PIEZO2: variants seen among roughly 807,000 people sequenced by gnomAD.
PIEZO2 encodes piezo-type mechanosensitive ion channel component 2.
Under a neutral mutation model 337.3 loss-of-function variants are expected in PIEZO2, and 172 were observed. The ratio of observed to expected loss-of-function variants is 0.51; its 90% confidence interval spans 0.45 to 0.58. PIEZO2 has a LOEUF of 0.58. Ranked by LOEUF, PIEZO2 falls within the 20% of genes least tolerant of loss-of-function variation. The probability of loss-of-function intolerance (pLI) is 0.00; values close to 1 mark genes in which losing one functional copy is unlikely to be tolerated. For missense variants in PIEZO2, 3,028 were observed against 3,391.3 expected, an observed-to-expected ratio of 0.89 and a Z score of 2.66; for synonymous variants, 1,251 against 1,228.5, an observed-to-expected ratio of 1.02 and a Z score of -0.38.
rs1297735094 is a variant in PIEZO2 at position 10,770,208 on chromosome 18, A to C, written c.2886T>G (p.Ile962Met). Residue 962 changes from isoleucine (I) to methionine (M), a missense_variant, in exon 21 of 56, where the codon ATT becomes ATG. By Grantham distance (10) the Ile-to-Met change is conservative (BLOSUM62 1). Transcript: ENST00000674853. Reference sequence around the variant, plus strand: ...CGATTTTGATGATGTGCAACTCCAAAATCCACCACATGAACACCTGCAGCT... The same window carrying C: ...CGATTTTGATGATGTGCAACTCCAACATCCACCACATGAACACCTGCAGCT... The part of the protein sequence containing the change: ...FHKLQVFMWW[I>M]LELHIIKIVS... 2 of 1,537,310 alleles carry C rather than the reference A, an allele frequency of 1.3e-6. No individual in the cohort carries two copies. The highest frequency in any genetic ancestry group is 1.7e-6 in the Non-Finnish European group (2 of 1,146,954).
chr18:10,867,136 G>A (rs1346107977), intron 5 of PIEZO2, among the ~76,000 whole-genome samples: 1 of 152,180 alleles, frequency 6.6e-6, no homozygotes, highest in Non-Finnish European at 1.5e-5. Context: ...CATTCTGAAT[G>A]GTTCCATGTT....
intron 2 of PIEZO2, among the ~76,000 whole-genome samples, chr18:11,065,415 T>C (rs554383537): frequency 1.2e-4 from 18 of 152,356 alleles, no homozygotes; most frequent in African/African-American, 4.3e-4. Flanking sequence ...CTAAATTAAC[T>C]CAGTGTGGTT....
chr18:11,048,064 T>C lies in PIEZO2; in HGVS notation c.160+18063A>G, dbSNP rs1472313829. The stretch of plus-strand genomic sequence containing the variant: ...CCCACCCAGTGACACCTGCTGGGTG[T>C]AGACAGTCAAGAGCACAGCGGCAGC... On this transcript the variant is annotated intron_variant, in intron 2 of 55. Transcript: ENST00000674853. This position sits in a 1 kb window ranked among gnomAD's most constrained non-coding sequence, Gnocchi z 4.5. Among the ~76,000 whole-genome samples, 2 of 152,050 alleles carry C rather than the reference T, an allele frequency of 1.3e-5. No homozygotes were observed. The highest frequency in any genetic ancestry group is 2.4e-5 in the African/African-American group (1 of 41,398).
intron 2 of PIEZO2, among the ~76,000 whole-genome samples, chr18:11,024,375 C>T (rs1451440998): frequency 1.3e-5 from 2 of 151,696 alleles, no homozygotes; most frequent in Admixed American, 1.3e-4. Flanking sequence ...GAAACCCCAC[C>T]TCTACTAAAA....
Position 10,742,805 on chromosome 18 carries a change from T to C in PIEZO2, c.4515-190A>G, listed in dbSNP as rs8085533. Among the ~76,000 whole-genome samples the C allele has an allele frequency of 0.32, 31,788 of 99,462 alleles. 3,642 individuals carry two copies. Among genetic ancestry groups the C allele is most frequent in the Middle Eastern group, 0.35 (66 of 188 alleles). 65.3% of individuals were successfully genotyped at this position (99,462 alleles called of 152,430 possible). A position where few individuals can be genotyped will look rare whatever the true frequency, so the allele number is the denominator to read the frequency against. On this transcript the variant is annotated intron_variant, in intron 31 of 55. Coordinates refer to ENST00000674853, the MANE Select transcript of PIEZO2 (RefSeq NM_001378183.1). ...TTTCTTTTATATACATATTTGTGTG[T>C]GTGTGTGTGTGTGTGTGTGTGTGTA... is the stretch of plus-strand genomic sequence containing the variant.
intron 2 of PIEZO2, among the ~76,000 whole-genome samples, chr18:11,050,597 G>C (rs890771067): frequency 6.6e-6 from 1 of 151,728 alleles, no homozygotes; most frequent in South Asian, 2.1e-4. Context: ...TTTTAAAGTA[G>C]AACCCTTGTC....
intron 18 of PIEZO2, among the ~76,000 whole-genome samples, chr18:10,778,093 T>A (rs2038850249): frequency 6.6e-6 from 1 of 152,198 alleles, no homozygotes; most frequent in Non-Finnish European, 1.5e-5. Context: ...GAATTGTAGG[T>A]ATGCCCCTCT....
At chr18:11,029,683 A>G (rs182612221) in intron 2 of PIEZO2, among the ~76,000 whole-genome samples, 87 of 152,038 alleles carry the variant, frequency 5.7e-4, no homozygotes, top group African/African-American at 2.0e-3. Flanking sequence ...CCCCAGGCCA[A>G]CGTTTTTTGT....
At chr18:11,130,184 C>T (rs2040302140) in intron 1 of PIEZO2, among the ~76,000 whole-genome samples, 1 of 152,216 alleles carries the variant, frequency 6.6e-6, no homozygotes. Context: ...GTTCAACTCT[C>T]CCATTCGGCC....
At position 10,675,046 on chromosome 18, in the gene PIEZO2, A is replaced by C. The variant is rs150589203; in HGVS notation, c.8161+163T>G. Among the ~76,000 whole-genome samples the C allele has an allele frequency of 5.0e-3, 766 of 152,194 alleles. 8 individuals carry two copies. The highest frequency in any genetic ancestry group is 0.017 in the African/African-American group (701 of 41,516). On this transcript the variant is annotated intron_variant, in intron 54 of 55. Transcript: ENST00000674853. ...AATGTGGGTCCCAGGTGAGTGAGTG[A>C]CTCCTTTGGGCTAGTGAAGGCTGTC...
chr18:10,998,327 G>T (rs2035402884), intron 2 of PIEZO2, among the ~76,000 whole-genome samples: 1 of 147,338 alleles, frequency 6.8e-6, no homozygotes, highest in Non-Finnish European at 1.5e-5. Context: ...GGATTAAAAA[G>T]ATATTTGTTT....
Position 10,696,159 on chromosome 18 carries a change from C to T in PIEZO2, c.7105G>A (p.Val2369Ile), listed in dbSNP as rs1324357923. The T allele has an allele frequency of 6.2e-7, 1 of 1,614,152 alleles. No homozygotes were observed. The change falls in exon 47 of 56, where the codon GTA becomes ATA. Residue 2369 changes from valine (V) to isoleucine (I), a missense_variant. Physicochemically the swap from Val to Ile is conservative, Grantham distance 29 (BLOSUM62 3). Around this residue, in one of 5 missense-constraint regions of PIEZO2, gnomAD observed 179 missense variants for 281.8 expected, o/e 0.64. Transcript: ENST00000674853. ...ACCTGGAAGATGACCTTTCCCAGTA[C>T]AGTCTTCCTGAGGTAGAGGGCTCGG... is the stretch of plus-strand genomic sequence containing the variant. The part of the protein sequence containing the change: ...VDRALYLRKT[V>I]LGKVIFQVIL...
Position 11,070,551 on chromosome 18 carries a change from T to C in PIEZO2, c.65-4329A>G, listed in dbSNP as rs111558856. On this transcript the variant is annotated intron_variant, in intron 1 of 55. Coordinates refer to ENST00000674853, the MANE Select transcript of PIEZO2 (RefSeq NM_001378183.1). This position sits in a 1 kb window ranked among gnomAD's most constrained non-coding sequence, Gnocchi z 4.3. ...GCAGCAGAAAAATTCGAGACGGATA[T>C]GAGAAAAACCAGGAAAGCCTAGCTT... Among the ~76,000 whole-genome samples the C allele has an allele frequency of 6.6e-6, 1 of 152,152 alleles. No homozygotes were observed. Among genetic ancestry groups the C allele is most frequent in the African/African-American group, 2.4e-5 (1 of 41,434 alleles).
intron 7 of PIEZO2, among the ~76,000 whole-genome samples, chr18:10,836,009 A>T (rs2041000118): frequency 6.6e-6 from 1 of 152,252 alleles, no homozygotes; most frequent in Non-Finnish European, 1.5e-5. Flanking sequence ...TAATGTAAAC[A>T]GGTCCAAATA....
At chr18:10,790,072 A>C (rs1214350168) in intron 14 of PIEZO2, among the ~76,000 whole-genome samples, 1 of 152,194 alleles carries the variant, frequency 6.6e-6, no homozygotes, top group Non-Finnish European at 1.5e-5. Flanking sequence ...AAATCAAGTG[A>C]GGGCTCAGAG....
rs2040887658 is a variant in PIEZO2, at chr18:11,149,160, C to T, written c.-572G>A. Among the ~76,000 whole-genome samples, 1 of 152,090 alleles carries T rather than the reference C, an allele frequency of 6.6e-6. No individual in the cohort carries two copies. Among genetic ancestry groups the T allele is most frequent in the African/African-American group, 2.4e-5 (1 of 41,438 alleles). ...GGCTCTCGGAGCTGCCCGGCGGGCT[C>T]CGGGTCTCGCCCTCCAGCCCCCAGG... On this transcript the variant is annotated 5_prime_UTR_variant, in exon 1 of 56. Transcript: ENST00000674853. This position sits in a 1 kb window ranked among gnomAD's most constrained non-coding sequence, Gnocchi z 8.7.
At chr18:11,036,083 T>G (rs550680977) in intron 2 of PIEZO2, among the ~76,000 whole-genome samples, 1 of 152,328 alleles carries the variant, frequency 6.6e-6, no homozygotes, top group East Asian at 1.9e-4. Flanking sequence ...TCACAGTTCA[T>G]AGGAGATTCT....
intron 2 of PIEZO2, among the ~76,000 whole-genome samples, chr18:11,051,965 G>A (rs959047084): frequency 6.6e-6 from 1 of 152,234 alleles, no homozygotes; most frequent in South Asian, 2.1e-4. Flanking sequence ...TGACCAAAAT[G>A]TACCAGGTCT....
chr18:10,702,015 G>C lies in PIEZO2; in HGVS notation c.6415C>G (p.Leu2139Val), dbSNP rs1309427950. The change falls in exon 43 of 56, where the codon CTG becomes GTG. Residue 2139 changes from leucine to valine, a missense_variant. By Grantham distance (32) the Leu-to-Val change is conservative. Transcript: ENST00000674853. ...TTCAAAATTGATCGATGAAAGAACA[G>C]AGCCAGGAGCTGGATGAGGTCATAG... ...VLYDLIQLLA[L>V]FFHRSILKCH... 2 of 1,530,366 alleles carry C rather than the reference G, an allele frequency of 1.3e-6. No individual in the cohort carries two copies. The highest frequency in any genetic ancestry group is 1.7e-6 in the Non-Finnish European group (2 of 1,145,018). The allele number at this position is 1,530,366 out of a possible 1,614,324, so 94.8% of individuals were successfully genotyped here.
Sources: gnomAD v4.1 joint callset for allele counts (sites outside exome capture counted in the v4.1 genomes callset) on GRCh38, gnomAD v4.1.1 for gene constraint, gnomAD v4.1.1 regional missense constraint, Gnocchi (gnomAD v3.1) non-coding constraint, MANE v1.5 for transcripts, NCBI Gene and HGNC (gene_info 2026-07-23, HGNC 2026-07-21) for gene names.